Variants in RIPOR2 observed in about 807,000 individuals in gnomAD.
RIPOR2 encodes RHO family interacting cell polarization regulator 2.
In RIPOR2, 39 loss-of-function variants were observed where a neutral mutation model predicts 114.5. The observed-to-expected ratio is 0.34, with a 90% CI of 0.26 to 0.44. RIPOR2 has a LOEUF of 0.44. RIPOR2 is among the 20% of genes least tolerant of loss of function. The probability of loss-of-function intolerance (pLI) is 1.00; values close to 1 mark genes in which losing one functional copy is unlikely to be tolerated. For synonymous variants in RIPOR2, 445 were observed against 484.4 expected (o/e 0.92, Z 1.07); for missense variants, 1,007 against 1,255.1 (o/e 0.80, Z 2.99).
chr6:25,005,848 A>G (rs1020900220), intron 1 of RIPOR2, among the ~76,000 whole-genome samples: 2 of 150,674 alleles, frequency 1.3e-5, no homozygotes, highest in Non-Finnish European at 3.0e-5. Context: ...CCCTCCTACA[A>G]TAGTGCTCTC....
chr6:24,880,010 C>T (rs1416570789), intron 1 of RIPOR2, among the ~76,000 whole-genome samples: 1 of 152,218 alleles, frequency 6.6e-6, no homozygotes, highest in Non-Finnish European at 1.5e-5. Flanking sequence ...GAAAGGACTA[C>T]AGTAGAATTG....
chr6:24,874,208 C>A (rs1765493648), intron 2 of RIPOR2, among the ~76,000 whole-genome samples: 2 of 151,784 alleles, frequency 1.3e-5, no homozygotes, highest in South Asian at 2.1e-4. Flanking sequence ...TTTTTTTTTT[C>A]TTTGTAGAGA....
intron 1 of RIPOR2, among the ~76,000 whole-genome samples, chr6:24,971,302 A>G (rs1773779870): frequency 6.6e-6 from 1 of 152,226 alleles, no homozygotes; most frequent in Admixed American, 6.5e-5. Context: ...GATCAGGGTG[A>G]CATGTTGTCT....
chr6:24,929,856 T>C (rs758055070), intron 1 of RIPOR2, among the ~76,000 whole-genome samples: 9 of 152,130 alleles, frequency 5.9e-5, no homozygotes, highest in Non-Finnish European at 5.9e-5. Context: ...GGAGGATCAC[T>C]TAAGGCAAGG....
Position 24,839,253 on chromosome 6 carries a change from C to A in RIPOR2, c.1877G>T (p.Arg626Leu). The change falls in exon 14 of 22, where the codon CGC (arginine) becomes CTC (leucine). Residue 626 changes from arginine (R) to leucine (L), a missense_variant. Coordinates refer to ENST00000643898, the MANE Select transcript of RIPOR2 (RefSeq NM_001286445.3). The stretch of plus-strand genomic sequence containing the variant: ...GAGACTTAAACTGGAAGACCTGCTG[C>A]GGCTTACTGCTGGCTTGCACTGTAA... ...DILKCKPAVSRSRSSSLSLTV... is the reference protein window; with the variant it reads ...DILKCKPAVSLSRSSSLSLTV... 1 of 1,551,786 alleles carries A rather than the reference C, an allele frequency of 6.4e-7. No homozygotes were observed. Among genetic ancestry groups the A allele is most frequent in the Non-Finnish European group, 8.7e-7 (1 of 1,146,966 alleles).
chr6:24,913,181 G>A (rs1476720199), intron 1 of RIPOR2, among the ~76,000 whole-genome samples: 1 of 149,666 alleles, frequency 6.7e-6, no homozygotes, highest in East Asian at 2.0e-4. Flanking sequence ...GTGTGTGTAT[G>A]TGCACATACA....
Position 24,945,905 on chromosome 6 carries a change from TA to T in RIPOR2, c.77-70089del, listed in dbSNP as rs149560557. ...TTCTTAGTGCTTACACCTATATAAA[TA>T]AAATATGAATATTTTTACAAATTCC... On this transcript the variant is annotated intron_variant, in intron 1 of 13. Coordinates refer to the RIPOR2 transcript ENST00000510784. Among the ~76,000 whole-genome samples, 1,372 of 152,174 alleles carry T rather than the reference TA, an allele frequency of 9.0e-3. 20 individuals carry two copies. Among genetic ancestry groups the T allele is most frequent in the African/African-American group, 0.031 (1,289 of 41,552 alleles).
At chr6:24,925,463 G>A (rs1269214703) in intron 1 of RIPOR2, among the ~76,000 whole-genome samples, 1 of 152,126 alleles carries the variant, frequency 6.6e-6, no homozygotes, top group Non-Finnish European at 1.5e-5. Flanking sequence ...CAGCACTTTG[G>A]GAAGCCGAGG....
intron 9 of RIPOR2, among the ~76,000 whole-genome samples, chr6:24,851,446 G>T (rs932495471): frequency 8.5e-5 from 13 of 152,288 alleles, no homozygotes; most frequent in Middle Eastern, 3.4e-3. Flanking sequence ...GAGAGATGGA[G>T]CTGGCAAGGA....
chr6:24,930,261 A>G (rs533406802), intron 1 of RIPOR2, among the ~76,000 whole-genome samples: 1 of 152,358 alleles, frequency 6.6e-6, no homozygotes, highest in South Asian at 2.1e-4. Flanking sequence ...TCATACCTAC[A>G]ATGAGTATGC....
chr6:24,864,917 G>A (rs773028982), intron 7 of RIPOR2, among the ~76,000 whole-genome samples: 39 of 152,138 alleles, frequency 2.6e-4, no homozygotes, highest in Non-Finnish European at 4.1e-4. Flanking sequence ...GTGTTTAAAT[G>A]ACACAAATCA....
intron 8 of RIPOR2, among the ~76,000 whole-genome samples, chr6:24,853,666 C>CA (rs1245275614): frequency 6.6e-6 from 1 of 152,206 alleles, no homozygotes; most frequent in African/African-American, 2.4e-5. Context: ...AATAGGGTAA[C>CA]AGTGTCCACT....
chr6:24,885,971 G>A (rs1015919451), intron 1 of RIPOR2, among the ~76,000 whole-genome samples: 2 of 152,154 alleles, frequency 1.3e-5, no homozygotes, highest in African/African-American at 4.8e-5. Context: ...TACCTGGGAT[G>A]TGCAGTTCAA....
intron 1 of RIPOR2, among the ~76,000 whole-genome samples, chr6:24,926,274 A>G (rs1770854186): frequency 2.6e-5 from 4 of 152,222 alleles, no homozygotes; most frequent in Non-Finnish European, 5.9e-5. Context: ...ATATTTACTC[A>G]GGAAATAGGT....
chr6:24,923,856 AAAAT>A (rs955846877), intron 1 of RIPOR2, among the ~76,000 whole-genome samples: 21 of 152,030 alleles, frequency 1.4e-4, no homozygotes, highest in Admixed American at 1.2e-3. Context: ...TCAAAAAAAT[AAAAT>A]AAATAAATAA....
intron 1 of RIPOR2, among the ~76,000 whole-genome samples, chr6:24,891,221 A>G (rs74408379): frequency 0.029 from 4,422 of 152,298 alleles, 201 homozygotes; most frequent in African/African-American, 0.097. Context: ...TGTCCTCTGC[A>G]TGGTAATTTT....
intron 1 of RIPOR2, among the ~76,000 whole-genome samples, chr6:24,950,689 G>T (rs892706186): frequency 6.6e-5 from 10 of 152,188 alleles, no homozygotes; most frequent in African/African-American, 2.4e-4. Flanking sequence ...CAAACCTGTG[G>T]AAACCTATGC....
intron 8 of RIPOR2, among the ~76,000 whole-genome samples, chr6:24,856,329 A>G (rs1041979314): frequency 2.0e-5 from 3 of 152,230 alleles, no homozygotes; most frequent in Non-Finnish European, 4.4e-5. Flanking sequence ...CCTGCATTCT[A>G]CTAATAATTT....
At chr6:24,819,256 G>T (rs1325830999) in intron 19 of RIPOR2, among the ~76,000 whole-genome samples, 5 of 152,126 alleles carry the variant, frequency 3.3e-5, no homozygotes, top group Non-Finnish European at 5.9e-5. Context: ...AATCTACAAG[G>T]TAAGTCAGTC....
Sources: allele counts gnomAD v4.1 joint callset (sites outside exome capture counted in the v4.1 genomes callset), GRCh38; gene constraint gnomAD v4.1.1; transcripts MANE v1.5; gene names NCBI Gene and HGNC (gene_info 2026-07-23, HGNC 2026-07-21).